The following SHISAL1 variants were observed in gnomAD, a reference collection of about 807,000 sequenced individuals.
The protein encoded by SHISAL1 is shisa like 1.
A neutral mutation model predicts 22.6 loss-of-function variants in SHISAL1; 9 were observed. The observed-to-expected ratio is 0.40, with a 90% CI of 0.24 to 0.70. The LOEUF (loss-of-function observed/expected upper bound fraction) is 0.70, where lower values mean the gene tolerates loss of function less well. SHISAL1 is among the 30% of genes least tolerant of loss of function. The probability of loss-of-function intolerance (pLI) is 0.39; values close to 1 mark genes in which losing one functional copy is unlikely to be tolerated. For missense variants in SHISAL1, 246 were observed against 270.6 expected (o/e 0.91, Z 0.64); for synonymous variants, 119 against 115.4 (o/e 1.03, Z -0.20).
intron 3 of SHISAL1, among the ~76,000 whole-genome samples, chr22:44,291,744 C>T (rs1429594363): frequency 6.6e-6 from 1 of 152,158 alleles, no homozygotes; most frequent in Non-Finnish European, 1.5e-5. Context: ...ATGCCACTCC[C>T]AGCCACCTCC....
chr22:44,323,081 C>CCCAT, the SHISAL1 span, among the ~76,000 whole-genome samples: 3,058 of 129,126 alleles, frequency 0.024, 78 homozygotes, highest in East Asian at 0.13. Flanking sequence ...CACCCATCCA[C>CCCAT]CCATCCATCC....
At chr22:44,326,364 T>C in the SHISAL1 span, among the ~76,000 whole-genome samples, 2 of 152,134 alleles carry the variant, frequency 1.3e-5, no homozygotes, top group Admixed American at 6.5e-5. Flanking sequence ...CAGTCCAATT[T>C]CCCAATGCAA....
intron 3 of SHISAL1, among the ~76,000 whole-genome samples, chr22:44,288,389 C>T (rs2147292990): frequency 6.6e-6 from 1 of 152,286 alleles, no homozygotes; most frequent in Admixed American, 6.5e-5. Context: ...GTAATCCCAG[C>T]ACTTTGGGAG....
intron 3 of SHISAL1, among the ~76,000 whole-genome samples, chr22:44,292,951 C>T (rs1228833030): frequency 6.6e-6 from 1 of 152,252 alleles, no homozygotes; most frequent in East Asian, 1.9e-4. Flanking sequence ...CCTATGCAGC[C>T]TCAAGCCATT....
At chr22:44,294,336 GA>G (rs940917246) in intron 3 of SHISAL1, among the ~76,000 whole-genome samples, 1 of 152,190 alleles carries the variant, frequency 6.6e-6, no homozygotes, top group Non-Finnish European at 1.5e-5. Flanking sequence ...GGGAGACTTG[GA>G]ACAGGCGGCT....
chr22:44,297,797 T>C (rs945141821), intron 2 of SHISAL1, among the ~76,000 whole-genome samples: 3 of 152,252 alleles, frequency 2.0e-5, no homozygotes, highest in African/African-American at 7.2e-5. Flanking sequence ...GATCGCTGTA[T>C]CTAATTTGTA....
chr22:44,274,330 C>T (rs1293539104), intron 4 of SHISAL1, among the ~76,000 whole-genome samples: 5 of 152,108 alleles, frequency 3.3e-5, no homozygotes, highest in African/African-American at 1.2e-4. Context: ...AAAGCTGCCT[C>T]ACTGCACCAG....
In SHISAL1 at chr22:44,285,455, A is replaced by T; in HGVS notation, c.572T>A (p.Leu191Gln). 1 of 1,614,038 alleles carries T rather than the reference A, an allele frequency of 6.2e-7. No individual in the cohort carries two copies. Among genetic ancestry groups the T allele is most frequent in the Non-Finnish European group, 8.5e-7 (1 of 1,179,928 alleles). Reference sequence around the variant, plus strand: ...GGCAGACGAACTCTGGAAGGTCATCAGCGGTGGGCTGTGAGCATCTCCCCG... The same window carrying T: ...GGCAGACGAACTCTGGAAGGTCATCTGCGGTGGGCTGTGAGCATCTCCCCG... ...TLRGDAHSPP[L>Q]MTFQSSSA is the part of the protein sequence containing the mutation. The change falls in exon 4 of 5, where the codon CTG becomes CAG. Residue 191 changes from leucine to glutamine, a missense_variant. Leu to Gln is a moderately radical substitution (Grantham distance 113). Around this residue, in one of 2 missense-constraint regions of SHISAL1, gnomAD observed 136 missense variants for 117.5 expected, o/e 1.16. Coordinates refer to ENST00000381176, the MANE Select transcript of SHISAL1 (RefSeq NM_001099294.2).
At chr22:44,296,918 C>T in intron 2 of SHISAL1, 33 bp from the exon 3 acceptor site, 2 of 1,563,556 alleles carry the variant, frequency 1.3e-6, no homozygotes, top group African/African-American at 1.4e-5. Flanking sequence ...TCAGAGGGGT[C>T]CCTCACCAGT....
intron 3 of SHISAL1, among the ~76,000 whole-genome samples, chr22:44,292,314 A>G (rs997262704): frequency 6.6e-6 from 1 of 152,126 alleles, no homozygotes; most frequent in Admixed American, 6.5e-5. Flanking sequence ...TAACCTGTCT[A>G]GGATACTGGA....
chr22:44,268,784 T>C (rs778445688), intron 4 of SHISAL1, among the ~76,000 whole-genome samples: 13 of 152,112 alleles, frequency 8.5e-5, no homozygotes, highest in Non-Finnish European at 1.8e-4. Flanking sequence ...TGGGTGTGGG[T>C]AAGCACCTGG....
chr22:44,329,781 C>T, the SHISAL1 span, among the ~76,000 whole-genome samples: 1 of 152,142 alleles, frequency 6.6e-6, no homozygotes, highest in East Asian at 1.9e-4. Flanking sequence ...TCTAGGCAAC[C>T]GTGACCGGCA....
chr22:44,289,070 CT>C (rs1327602151), intron 3 of SHISAL1, among the ~76,000 whole-genome samples: 1 of 152,234 alleles, frequency 6.6e-6, no homozygotes, highest in Non-Finnish European at 1.5e-5. Context: ...AGTTTATAGG[CT>C]GCATGTCTTG....
In SHISAL1 at chr22:44,293,392, G is replaced by A. The variant is rs542104478; in HGVS notation, c.281+3280C>T. Among the ~76,000 whole-genome samples the A allele has an allele frequency of 7.9e-5, 12 of 152,312 alleles. No individual in the cohort carries two copies. The East Asian group carries it at 2.3e-3, about 29-fold the overall frequency. On this transcript the variant is annotated intron_variant, in intron 3 of 4. Transcript: ENST00000381176. ...GCCCCCGCATTTGGCACTGTTAGGA[G>A]CCATTGCTGGTTGTCACCGGGGTGG...
At chr22:44,258,098 C>A (rs536221765) in intron 4 of SHISAL1, among the ~76,000 whole-genome samples, 11 of 152,202 alleles carry the variant, frequency 7.2e-5, no homozygotes, top group African/African-American at 2.6e-4. Flanking sequence ...TGAGATCATG[C>A]CATTGCACTC....
At position 44,310,248 on chromosome 22, in the gene SHISAL1, G is replaced by A. The variant is rs140625773; in HGVS notation, c.-33+2503C>T. ...GGCAGCACAGGCCTGACACGTAGTA[G>A]GCACTTTATAAACATGTGTTAATTG... On this transcript the variant is annotated intron_variant, in intron 1 of 4. Coordinates refer to ENST00000381176, the MANE Select transcript of SHISAL1 (RefSeq NM_001099294.2). The surrounding 1 kb of genome is among the most constrained non-coding windows in gnomAD (Gnocchi z 4.0). 7.1e-3 allele frequency among the ~76,000 whole-genome samples: 1,084 copies of A among 152,320 alleles called. 14 individuals are homozygous for A. Among genetic ancestry groups the A allele is most frequent in the African/African-American group, 0.024 (1,010 of 41,576 alleles).
At chr22:44,263,756 C>T (rs181453220) in intron 4 of SHISAL1, among the ~76,000 whole-genome samples, 1 of 152,296 alleles carries the variant, frequency 6.6e-6, no homozygotes, top group African/African-American at 2.4e-5. Context: ...CTGGAGCAGA[C>T]AAGGAAACAG....
At chr22:44,303,947 C>T (rs2055451889) in intron 1 of SHISAL1, among the ~76,000 whole-genome samples, 1 of 152,190 alleles carries the variant, frequency 6.6e-6, no homozygotes, top group African/African-American at 2.4e-5. Context: ...GCCCTCCGCC[C>T]CCCAGGAGGA....
At chr22:44,260,901 G>A (rs1324283254) in intron 4 of SHISAL1, among the ~76,000 whole-genome samples, 1 of 151,978 alleles carries the variant, frequency 6.6e-6, no homozygotes, top group African/African-American at 2.4e-5. Context: ...GGAGGGCAAT[G>A]TGGCTTCGGT....
Sources: gnomAD v4.1 joint callset for allele counts (sites outside exome capture counted in the v4.1 genomes callset) on GRCh38, gnomAD v4.1.1 for gene constraint, gnomAD v4.1.1 regional missense constraint, Gnocchi (gnomAD v3.1) non-coding constraint, MANE v1.5 for transcripts, NCBI Gene and HGNC (gene_info 2026-07-23, HGNC 2026-07-21) for gene names.